The following DIAPH2 variants were observed in gnomAD, a reference collection of about 807,000 sequenced individuals.
DIAPH2 encodes protein diaphanous homolog 2.
A neutral mutation model predicts 92.7 loss-of-function variants in DIAPH2; 35 were observed. The observed-to-expected ratio is 0.38, with a 90% CI of 0.29 to 0.50. DIAPH2 has a LOEUF of 0.50. Ranked by LOEUF, DIAPH2 falls within the 20% of genes least tolerant of loss-of-function variation. The pLI is 0.94. For synonymous variants in DIAPH2, 301 were observed against 280.4 expected, an observed-to-expected ratio of 1.07 and a Z score of -0.73; for missense variants, 701 against 819.5, an observed-to-expected ratio of 0.86 and a Z score of 1.77.
At chrX:97,533,479 A>G (rs1445760573) in intron 26 of DIAPH2, 1 of 110,688 alleles carries the variant, frequency 9.0e-6, no homozygotes, top group Non-Finnish European at 1.9e-5. Context: ...AGATTCCTCA[A>G]TTTGTATTTA....
intron 26 of DIAPH2, among the ~76,000 whole-genome samples, chrX:97,585,357 G>A (rs1260444769): frequency 4.6e-5 from 5 of 107,963 alleles, no homozygotes; most frequent in Non-Finnish European, 9.6e-5. Flanking sequence ...AACTTACTCT[G>A]GACCCCTTAA....
intron 22 of DIAPH2, among the ~76,000 whole-genome samples, chrX:97,156,406 T>C (rs903011319): frequency 1.8e-5 from 2 of 112,476 alleles, no homozygotes; most frequent in African/African-American, 6.5e-5. Flanking sequence ...TAAACTTTAA[T>C]AAATGAATCA....
intron 26 of DIAPH2, among the ~76,000 whole-genome samples, chrX:97,485,160 G>A (rs1394092562): frequency 8.9e-6 from 1 of 112,113 alleles, no homozygotes; most frequent in Non-Finnish European, 1.9e-5. Flanking sequence ...GCAATTCACA[G>A]TGTGACTAGT....
At chrX:97,540,082 T>TGGATA (rs2147856152) in intron 26 of DIAPH2, among the ~76,000 whole-genome samples, 2 of 112,169 alleles carry the variant, frequency 1.8e-5, no homozygotes, top group African/African-American at 6.5e-5. Context: ...CCATCTGCTC[T>TGGATA]ATCAGTGAAA....
At chrX:97,012,025 A>G (rs2066230930) in intron 17 of DIAPH2, among the ~76,000 whole-genome samples, 1 of 110,417 alleles carries the variant, frequency 9.1e-6, no homozygotes, top group South Asian at 3.9e-4. Context: ...GTTGAGTAAG[A>G]TGGTTCCTGT....
At chrX:96,848,149 G>A (rs926847368) in intron 4 of DIAPH2, among the ~76,000 whole-genome samples, 1 of 110,746 alleles carries the variant, frequency 9.0e-6, no homozygotes, top group African/African-American at 3.3e-5. Context: ...GAGGGATCCT[G>A]CCATCTCAGC....
At chrX:96,889,720 C>G (rs2065294374) in intron 5 of DIAPH2, among the ~76,000 whole-genome samples, 1 of 111,415 alleles carries the variant, frequency 9.0e-6, no homozygotes, top group Non-Finnish European at 1.9e-5. Flanking sequence ...GGAGATGTTG[C>G]TATTTTATAT....
chrX:96,766,271 T>TA (rs1007826411), intron 4 of DIAPH2, among the ~76,000 whole-genome samples: 1 of 109,211 alleles, frequency 9.2e-6, no homozygotes, highest in Non-Finnish European at 1.9e-5. Context: ...AAAAACAGTA[T>TA]AATGAGGTAC....
intron 26 of DIAPH2, among the ~76,000 whole-genome samples, chrX:97,597,217 G>C (rs1430448772): frequency 8.9e-6 from 1 of 111,767 alleles, no homozygotes; most frequent in Non-Finnish European, 1.9e-5. Flanking sequence ...TAAAGGGAGG[G>C]AGAAAATCTA....
At chrX:96,756,031 T>C (rs1457558136) in intron 3 of DIAPH2, among the ~76,000 whole-genome samples, 2 of 110,860 alleles carry the variant, frequency 1.8e-5, no homozygotes, top group Non-Finnish European at 3.8e-5. Flanking sequence ...GTCCAGGTAA[T>C]TTTTTAAAAG....
chrX:96,897,098 G>T (rs188129875), intron 5 of DIAPH2, among the ~76,000 whole-genome samples: 1 of 111,526 alleles, frequency 9.0e-6, no homozygotes, highest in Non-Finnish European at 1.9e-5. Flanking sequence ...GAGATTCATC[G>T]TACATCATGG....
intron 5 of DIAPH2, among the ~76,000 whole-genome samples, chrX:96,894,712 G>A: frequency 9.0e-6 from 1 of 111,212 alleles, no homozygotes; most frequent in East Asian, 2.8e-4. Flanking sequence ...TTTCTCCTGG[G>A]AAGGAGATGG....
At chrX:97,241,770 GAT>G (rs2068096278) in intron 22 of DIAPH2, among the ~76,000 whole-genome samples, 2 of 75,514 alleles carry the variant, frequency 2.6e-5, no homozygotes, top group Non-Finnish European at 4.9e-5. Flanking sequence ...TAAGTAGGCT[GAT>G]TTTTTTTTTT....
intron 4 of DIAPH2, among the ~76,000 whole-genome samples, chrX:96,834,922 A>C (rs1296498556): frequency 1.8e-5 from 2 of 112,031 alleles, no homozygotes; most frequent in Non-Finnish European, 3.8e-5. Context: ...CTCAACTTTC[A>C]TTGCATACTC....
At chrX:96,838,201 TA>T (rs1299605505) in intron 4 of DIAPH2, among the ~76,000 whole-genome samples, 2 of 111,865 alleles carry the variant, frequency 1.8e-5, no homozygotes, top group African/African-American at 6.5e-5. Context: ...ATTCTGGCCT[TA>T]AAATATAAAG....
chrX:96,760,931 A>G (rs192955263), intron 4 of DIAPH2, among the ~76,000 whole-genome samples: 1 of 111,530 alleles, frequency 9.0e-6, no homozygotes, highest in Admixed American at 9.5e-5. Flanking sequence ...TTTATCCTCC[A>G]TTGTTCATTG....
At chrX:97,559,518 G>GA (rs1036079206) in intron 26 of DIAPH2, among the ~76,000 whole-genome samples, 1 of 110,032 alleles carries the variant, frequency 9.1e-6, no homozygotes, top group African/African-American at 3.3e-5. Context: ...CTGATAGTGG[G>GA]AAAAAATCCC....
chrX:97,339,214 G>T (rs1269926699), intron 23 of DIAPH2, among the ~76,000 whole-genome samples: 5 of 111,147 alleles, frequency 4.5e-5, no homozygotes, highest in Admixed American at 9.7e-5. Flanking sequence ...AGATTCCCTA[G>T]ATAAAAATGC....
chrX:96,884,519 T>G (rs2065244084), intron 5 of DIAPH2: 2 of 1,210,432 alleles, frequency 1.7e-6, no homozygotes, highest in South Asian at 3.5e-5. Flanking sequence ...AGGGGAATTA[T>G]AGTTTCCCAG....
Sources: allele counts gnomAD v4.1 joint callset (sites outside exome capture counted in the v4.1 genomes callset), GRCh38; gene constraint gnomAD v4.1.1; transcripts MANE v1.5; gene names NCBI Gene and HGNC (gene_info 2026-07-23, HGNC 2026-07-21).